The following SLC23A1 variants were observed in gnomAD, a reference collection of about 807,000 sequenced individuals.
SLC23A1 encodes solute carrier family 23 member 1, also known as Na(+)/L-ascorbic acid transporter 1.
Under a neutral mutation model 62.5 loss-of-function variants are expected in SLC23A1, and 31 were observed. The ratio of observed to expected loss-of-function variants is 0.50; its 90% confidence interval spans 0.37 to 0.67. The LOEUF is 0.67. SLC23A1 is among the 30% of genes least tolerant of loss of function. The probability of loss-of-function intolerance (pLI) is 0.00; values close to 1 mark genes in which losing one functional copy is unlikely to be tolerated. For synonymous variants in SLC23A1, 271 were observed against 313.2 expected (o/e 0.87, Z 1.42); for missense variants, 640 against 782.7 (o/e 0.82, Z 2.18).
At chr5:139,380,103 T>C (rs1247705786) in intron 6 of SLC23A1, 27 bp from the exon 7 acceptor site, 3 of 1,594,914 alleles carry the variant, frequency 1.9e-6, no homozygotes, top group Non-Finnish European at 2.6e-6. Context: ...AATCAGGAAG[T>C]GGATGGGAGG....
At position 139,378,436 on chromosome 5, in the gene SLC23A1, G is replaced by A. The variant is rs1358172921; in HGVS notation, c.1180-85C>T. On this transcript the variant is annotated intron_variant, in intron 10 of 14. Coordinates refer to ENST00000348729, the MANE Select transcript of SLC23A1 (RefSeq NM_005847.5). The surrounding 1 kb of genome is among the most constrained non-coding windows in gnomAD (Gnocchi z 4.5). ...CAGGGGCGGGGCCTGTTATAAGAGC[G>A]AGGCATAAACCGGCTGGGGCTTGAT... 10 of 1,499,992 alleles carry A rather than the reference G, an allele frequency of 6.7e-6. No homozygotes were observed. The East Asian group carries it at 2.5e-4, about 37-fold the overall frequency. The allele number at this position is 1,499,992 out of a possible 1,614,324, so 92.9% of individuals were successfully genotyped here.
Position 139,382,065 on chromosome 5 carries a change from C to T in SLC23A1, c.151-16G>A, listed in dbSNP as rs533767261. On this transcript the variant is annotated splice_polypyrimidine_tract_variant and intron_variant, in intron 2 of 14. Coordinates refer to ENST00000348729, the MANE Select transcript of SLC23A1 (RefSeq NM_005847.5). ...TCAGGTAGTGCTGGGCAGAGGGAGA[C>T]AGCAGAGTGCATGAGGCAGGACCCC... is the stretch of plus-strand genomic sequence containing the variant. The T allele has an allele frequency of 4.4e-6, 7 of 1,601,808 alleles. No homozygotes were observed. The highest frequency in any genetic ancestry group is 2.2e-5 in the East Asian group (1 of 44,462).
At chr5:139,384,575 C>T (rs955706061), upstream of SLC23A1, 2 of 1,281,546 alleles carry the variant, frequency 1.6e-6, no homozygotes, top group Non-Finnish European at 1.0e-6. Flanking sequence ...AACTCCCCAG[C>T]ACTTTTCTCT....
At chr5:139,368,219 TC>T (rs987435392) in intron 14 of SLC23A1, among the ~76,000 whole-genome samples, 8 of 151,964 alleles carry the variant, frequency 5.3e-5, no homozygotes, top group Non-Finnish European at 1.2e-4. Context: ...GCGCCTGTAG[TC>T]CCAGCTACTC....
At chr5:139,370,324 C>T (rs1033084260) in intron 14 of SLC23A1, among the ~76,000 whole-genome samples, 3 of 152,104 alleles carry the variant, frequency 2.0e-5, no homozygotes, top group African/African-American at 7.2e-5. Context: ...TTGTGTGCCA[C>T]CACACCTGGC....
rs372495236 is a variant in SLC23A1 at position 139,379,865 on chromosome 5, G to T, written c.769-31C>A. 1.9e-6 allele frequency: 3 copies of T among 1,614,044 alleles called. No homozygotes were observed. The highest frequency in any genetic ancestry group is 1.7e-5 in the Admixed American group (1 of 60,018). ...GGAGGGGGGTGAGGGGGCACTGAAG[G>T]CACTGGAGGTCTCTGTCCAGGCTAA... On this transcript the variant is annotated intron_variant, in intron 7 of 14. Transcript: ENST00000348729. The surrounding 1 kb of genome is among the most constrained non-coding windows in gnomAD (Gnocchi z 4.7).
At chr5:139,372,568 A>G (rs879673734) in intron 13 of SLC23A1, among the ~76,000 whole-genome samples, 1 of 151,922 alleles carries the variant, frequency 6.6e-6, no homozygotes, top group Admixed American at 6.6e-5. Flanking sequence ...CATTGTACAA[A>G]TTTTTATTTT....
intron 13 of SLC23A1, among the ~76,000 whole-genome samples, chr5:139,375,227 A>AATGAC (rs1757890939): frequency 6.6e-6 from 1 of 152,178 alleles, no homozygotes; most frequent in Admixed American, 6.5e-5. Flanking sequence ...TTATGTCCCT[A>AATGAC]TACTGATGCA....
At chr5:139,368,658 TGCA>T in intron 14 of SLC23A1, 1 of 982,418 alleles carries the variant, frequency 1.0e-6, no homozygotes, top group Non-Finnish European at 1.6e-6. Flanking sequence ...AAGATGTTTT[TGCA>T]TGAGGATCTA....
intron 1 of SLC23A1, 21 bp downstream of exon 1, chr5:139,383,197 C>T (rs1250861834): frequency 9.6e-7 from 1 of 1,043,916 alleles, no homozygotes; most frequent in South Asian, 1.8e-5. Flanking sequence ...CCCCCTAGCC[C>T]CCACCCCCAG....
At chr5:139,371,368 G>GT (rs1407982423) in intron 14 of SLC23A1, among the ~76,000 whole-genome samples, 2 of 152,220 alleles carry the variant, frequency 1.3e-5, no homozygotes, top group Non-Finnish European at 2.9e-5. Flanking sequence ...CCACTTCAGT[G>GT]TTTAGTAGAG....
Position 139,373,886 on chromosome 5 carries a change from G to A in SLC23A1, c.1550-1633C>T, listed in dbSNP as rs921208841. Among the ~76,000 whole-genome samples, 16 of 152,152 alleles carry A rather than the reference G, an allele frequency of 1.1e-4. No homozygotes were observed. In the South Asian group the frequency reaches 1.2e-3, roughly 12 times the overall value. ...TATGTTTCTGGTGTCCGATTACCTC[G>A]CACCACTGCCAAGACACACATGGCA... On this transcript the variant is annotated intron_variant, in intron 13 of 14. Transcript: ENST00000348729.
chr5:139,376,551 A>G (rs1308991597), intron 13 of SLC23A1, among the ~76,000 whole-genome samples: 1 of 152,164 alleles, frequency 6.6e-6, no homozygotes, highest in Non-Finnish European at 1.5e-5. Context: ...CCCATAGTAT[A>G]TGTTTGCTAA....
At chr5:139,382,722 C>T (rs1758338774) in intron 1 of SLC23A1, 117 bp from the exon 2 acceptor site, 4 of 681,902 alleles carry the variant, frequency 5.9e-6, no homozygotes. Flanking sequence ...GAGCGGGGTT[C>T]CCGCCCTCCC....
chr5:139,374,431 C>A (rs182825935), intron 13 of SLC23A1, among the ~76,000 whole-genome samples: 1 of 152,128 alleles, frequency 6.6e-6, no homozygotes. Context: ...AGCGAGACTC[C>A]GTCTCAAAAA....
intron 14 of SLC23A1, among the ~76,000 whole-genome samples, chr5:139,371,320 ACTTTT>A (rs754597323): frequency 2.1e-4 from 32 of 152,270 alleles, no homozygotes; most frequent in Non-Finnish European, 4.0e-4. Flanking sequence ...CTTTTTGGGA[ACTTTT>A]CTTGTCTGTC....
chr5:139,371,505 G>A (rs943909575), intron 14 of SLC23A1, among the ~76,000 whole-genome samples: 7 of 152,176 alleles, frequency 4.6e-5, no homozygotes, highest in African/African-American at 1.4e-4. Context: ...TAGGATAAAG[G>A]CATCCTGTTT....
Position 139,372,191 on chromosome 5 carries a change from A to C in SLC23A1, c.1612T>G (p.Ser538Ala). The change falls in exon 14 of 15, where the codon TCT becomes GCT. Residue 538 changes from serine to alanine, a missense_variant. Transcript: ENST00000348729. ...KAGAHANSDM[S>A]SSLKSYDFPI... ...AAATCGTAGCTCTTGAGGCTGGAAG[A>C]CATGTCACTGTTGGCATGAGCCCCA... is the stretch of plus-strand genomic sequence containing the variant. The C allele has an allele frequency of 6.2e-7, 1 of 1,613,270 alleles. No individual in the cohort carries two copies. The highest frequency in any genetic ancestry group is 8.5e-7 in the Non-Finnish European group (1 of 1,179,162).
chr5:139,374,993 G>C (rs946258022), intron 13 of SLC23A1, among the ~76,000 whole-genome samples: 3 of 152,200 alleles, frequency 2.0e-5, no homozygotes, highest in Non-Finnish European at 4.4e-5. Context: ...CTGCTACCAA[G>C]AGCACCTTCC....
Sources: allele counts gnomAD v4.1 joint callset (sites outside exome capture counted in the v4.1 genomes callset), GRCh38; gene constraint gnomAD v4.1.1; non-coding constraint Gnocchi (gnomAD v3.1); transcripts MANE v1.5; gene names NCBI Gene and HGNC (gene_info 2026-07-23, HGNC 2026-07-21).